The following CMIP variants were observed in gnomAD, a reference collection of about 807,000 sequenced individuals.
The protein encoded by CMIP is C-Maf-inducing protein.
CMIP carries 13 observed loss-of-function variants against 97.3 expected under a neutral mutation model. The observed-to-expected ratio is 0.13, with a 90% CI of 0.09 to 0.21. The LOEUF (loss-of-function observed/expected upper bound fraction) is 0.21, where lower values mean the gene tolerates loss of function less well. Among genes scored for constraint, CMIP ranks in the 10% least tolerant of loss-of-function variants. The pLI is 1.00. For missense variants in CMIP, 847 were observed against 1,024.9 expected (o/e 0.83, Z 2.37); for synonymous variants, 538 against 436.3 (o/e 1.23, Z -2.91).
intron 1 of CMIP, among the ~76,000 whole-genome samples, chr16:81,492,838 T>A (rs1597472820): frequency 8.1e-6 from 1 of 123,120 alleles, no homozygotes; most frequent in Admixed American, 8.1e-5. Context: ...AAATGGGGAG[T>A]AAAGGGAGAG....
At chr16:81,683,490 A>G (rs1019082156) in intron 10 of CMIP, among the ~76,000 whole-genome samples, 3 of 152,132 alleles carry the variant, frequency 2.0e-5, no homozygotes, top group Non-Finnish European at 4.4e-5. Context: ...CCCAGGTTCA[A>G]GCCATTCTCC....
At chr16:81,471,446 G>C (rs146570878) in intron 1 of CMIP, among the ~76,000 whole-genome samples, 1 of 152,054 alleles carries the variant, frequency 6.6e-6, no homozygotes, top group African/African-American at 2.4e-5. Context: ...ATTTGTACAT[G>C]CATATGTACA....
chr16:81,481,348 G>C (rs1908251120), intron 1 of CMIP, among the ~76,000 whole-genome samples: 4 of 152,052 alleles, frequency 2.6e-5, no homozygotes, highest in Admixed American at 2.6e-4. Flanking sequence ...ACAGGTGAGG[G>C]CCTTGAGCGA....
chr16:81,526,600 A>G (rs764536584), intron 1 of CMIP, among the ~76,000 whole-genome samples: 1 of 152,226 alleles, frequency 6.6e-6, no homozygotes, highest in Non-Finnish European at 1.5e-5. Flanking sequence ...GTTTTTCATT[A>G]TGATCAGCTT....
rs2150819343 is a variant in CMIP at position 81,529,031 on chromosome 16, C to T, written c.301-78536C>T. Among the ~76,000 whole-genome samples the T allele has an allele frequency of 2.0e-5, 3 of 152,264 alleles. No homozygotes were observed. In the South Asian group the frequency reaches 6.2e-4, roughly 32 times the overall value. ...TCCATCACTTACTGATGGCTTTACC[C>T]ATTGTAAATCAGGCCTTGGCTAGAT... On this transcript the variant is annotated intron_variant, in intron 1 of 20. Coordinates refer to ENST00000537098, the MANE Select transcript of CMIP (RefSeq NM_198390.3).
chr16:81,540,954 A>G (rs904233951), intron 1 of CMIP, among the ~76,000 whole-genome samples: 1 of 149,050 alleles, frequency 6.7e-6, no homozygotes, highest in African/African-American at 2.5e-5. Context: ...TGCTGGGATT[A>G]CAGGTGTGAG....
chr16:81,593,618 A>G (rs2150922270), intron 1 of CMIP, among the ~76,000 whole-genome samples: 1 of 152,222 alleles, frequency 6.6e-6, no homozygotes, highest in Non-Finnish European at 1.5e-5. Context: ...TTTCTTGTTG[A>G]GGCTTGAAAG....
Position 81,699,701 on chromosome 16 carries a change from G to T in CMIP, c.1655G>T (p.Gly552Val). The T allele has an allele frequency of 6.2e-7, 1 of 1,612,808 alleles. No individual in the cohort carries two copies. The highest frequency in any genetic ancestry group is 8.5e-7 in the Non-Finnish European group (1 of 1,179,030). Residue 552 changes from glycine to valine, a missense_variant, in exon 15 of 21, where the codon GGC (glycine) becomes GTC (valine). By Grantham distance (109) the Gly-to-Val change is moderately radical. Coordinates refer to ENST00000537098, the MANE Select transcript of CMIP (RefSeq NM_198390.3). The part of the protein sequence containing the change: ...LFASMVHILM[G>V]SCYKTKKFLL... ...GCCTCACAGGTGCACATCCTCATGG[G>T]CTCCTGTTACAAGACCAAAAAATTC...
intron 1 of CMIP, among the ~76,000 whole-genome samples, chr16:81,592,420 A>G (rs1160011541): frequency 6.6e-6 from 1 of 152,124 alleles, no homozygotes; most frequent in African/African-American, 2.4e-5. Context: ...CCTTACCTTG[A>G]CAGCCGGCTC....
chr16:81,597,636 A>G (rs2091582465), intron 1 of CMIP, among the ~76,000 whole-genome samples: 2 of 146,372 alleles, frequency 1.4e-5, no homozygotes, highest in Non-Finnish European at 1.5e-5. Flanking sequence ...CTGGGACTAG[A>G]GCAGGGGGCG....
intron 1 of CMIP, among the ~76,000 whole-genome samples, chr16:81,515,629 C>G (rs1173490679): frequency 6.6e-6 from 1 of 152,166 alleles, no homozygotes; most frequent in Non-Finnish European, 1.5e-5. Context: ...GCATCACCGG[C>G]TTTATTCTTT....
intron 1 of CMIP, among the ~76,000 whole-genome samples, chr16:81,604,175 C>A (rs1177273459): frequency 6.6e-6 from 1 of 151,660 alleles, no homozygotes; most frequent in African/African-American, 2.4e-5. Context: ...AGGAGGATCA[C>A]CTGAGGTCAG....
intron 2 of CMIP, among the ~76,000 whole-genome samples, chr16:81,611,711 C>G (rs1462078339): frequency 2.6e-5 from 4 of 152,184 alleles, no homozygotes; most frequent in African/African-American, 7.2e-5. Context: ...TGTGTCTCTC[C>G]CCTCTTCTCT....
intron 9 of CMIP, among the ~76,000 whole-genome samples, chr16:81,673,850 A>G (rs554217229): frequency 4.9e-4 from 75 of 152,318 alleles, no homozygotes; most frequent in African/African-American, 1.8e-3. Context: ...GTGGTACACT[A>G]CACAACTCCA....
intron 9 of CMIP, among the ~76,000 whole-genome samples, chr16:81,674,800 G>T (rs1445815564): frequency 2.0e-5 from 3 of 151,776 alleles, no homozygotes; most frequent in Non-Finnish European, 4.4e-5. Flanking sequence ...TGGCCAGGCT[G>T]GTCTCGAACT....
chr16:81,600,868 T>G (rs762998077), intron 1 of CMIP, among the ~76,000 whole-genome samples: 44 of 152,174 alleles, frequency 2.9e-4, no homozygotes, highest in African/African-American at 1.0e-3. Context: ...ATCATTAGTG[T>G]TGTTGGTGTT....
intron 2 of CMIP, among the ~76,000 whole-genome samples, chr16:81,612,981 C>T (rs1191463275): frequency 6.6e-6 from 1 of 152,222 alleles, no homozygotes; most frequent in Non-Finnish European, 1.5e-5. Flanking sequence ...GAAGCGTGAC[C>T]CTTCCCCCAG....
chr16:81,513,715 T>G (rs537548054), intron 1 of CMIP, among the ~76,000 whole-genome samples: 16 of 152,330 alleles, frequency 1.1e-4, no homozygotes, highest in African/African-American at 3.8e-4. Context: ...GCCTCCTGTT[T>G]CCAGGCCAAG....
chr16:81,695,841 T>C (rs1906654178), intron 13 of CMIP: 1 of 152,460 alleles, frequency 6.6e-6, no homozygotes, highest in Non-Finnish European at 1.5e-5. Context: ...GATCCTTCAG[T>C]GGAGGGGGAC....
Sources: allele counts gnomAD v4.1 joint callset (sites outside exome capture counted in the v4.1 genomes callset), GRCh38; gene constraint gnomAD v4.1.1; transcripts MANE v1.5; gene names NCBI Gene and HGNC (gene_info 2026-07-23, HGNC 2026-07-21).